The following ZNF365 variants were observed in gnomAD, a reference collection of about 807,000 sequenced individuals.
ZNF365 encodes the protein zinc finger protein 365.
Under a neutral mutation model 35.0 loss-of-function variants are expected in ZNF365, and 22 were observed. The ratio of observed to expected loss-of-function variants is 0.63; its 90% confidence interval spans 0.45 to 0.90. The LOEUF (loss-of-function observed/expected upper bound fraction) is 0.90, where lower values mean the gene tolerates loss of function less well. Among genes scored for constraint, ZNF365 ranks in the 40% least tolerant of loss-of-function variants. The pLI, the probability that ZNF365 is intolerant of heterozygous loss-of-function variation, is 0.00. For synonymous variants in ZNF365, 188 were observed against 196.2 expected, an observed-to-expected ratio of 0.96 and a Z score of 0.35; for missense variants, 448 against 500.3, an observed-to-expected ratio of 0.90 and a Z score of 1.00.
rs1839823449 is a variant in ZNF365 at position 62,401,243 on chromosome 10, T to C, written c.*1454T>C. Reference sequence around the variant, plus strand: ...TTTGTGGTGGGTGGTTTTTAAACTATATATGTTTGTTCATGTAAACTGAAT... The same window carrying C: ...TTTGTGGTGGGTGGTTTTTAAACTACATATGTTTGTTCATGTAAACTGAAT... On this transcript the variant is annotated 3_prime_UTR_variant, in exon 5 of 5. Transcript: ENST00000395254. 2 of 985,358 alleles carry C rather than the reference T, an allele frequency of 2.0e-6. No homozygotes were observed. The highest frequency in any genetic ancestry group is 2.4e-6 in the Non-Finnish European group (2 of 829,760). 61.0% of individuals were successfully genotyped at this position (985,358 alleles called of 1,614,324 possible). A position where few individuals can be genotyped will look rare whatever the true frequency, so the allele number is the denominator to read the frequency against.
chr10:62,456,315 C>A (rs897703943), intron 3 of ZNF365, among the ~76,000 whole-genome samples: 1 of 151,734 alleles, frequency 6.6e-6, no homozygotes, highest in Admixed American at 6.6e-5. Flanking sequence ...TATTTCAGTC[C>A]TTTCCCATGA....
intron 4 of ZNF365, among the ~76,000 whole-genome samples, chr10:62,476,542 T>C (rs1193486235): frequency 6.6e-6 from 1 of 152,242 alleles, no homozygotes; most frequent in Non-Finnish European, 1.5e-5. Context: ...AGGTCATATT[T>C]AAGGTTACAG....
At chr10:62,407,257 T>C (rs1157864145), downstream of ZNF365, among the ~76,000 whole-genome samples, 5 of 152,216 alleles carry the variant, frequency 3.3e-5, no homozygotes, top group Non-Finnish European at 7.4e-5. Context: ...TTCCCCATAG[T>C]GGTTTGTGGC....
Position 62,412,924 on chromosome 10 carries a change from T to C in ZNF365, c.924+24348T>C, listed in dbSNP as rs529460050. On this transcript the variant is annotated intron_variant, in intron 3 of 4. Coordinates refer to the ZNF365 transcript ENST00000395255. ...TCTGATCTGAATGCTCTTCCTTAAATGAAGGCAGTTCATAGCTGATGCTGG... is the reference window on the plus strand; with the variant it reads ...TCTGATCTGAATGCTCTTCCTTAAACGAAGGCAGTTCATAGCTGATGCTGG... 8.5e-5 allele frequency among the ~76,000 whole-genome samples: 13 copies of C among 152,250 alleles called. No individual in the cohort carries two copies. The East Asian group carries it at 1.3e-3, about 16-fold the overall frequency.
At chr10:62,395,812 T>A (rs570168576) in intron 3 of ZNF365, among the ~76,000 whole-genome samples, 1 of 152,182 alleles carries the variant, frequency 6.6e-6, no homozygotes, top group African/African-American at 2.4e-5. Flanking sequence ...AAATTCTAAA[T>A]CTGAAGGACT....
intron 2 of ZNF365, among the ~76,000 whole-genome samples, chr10:62,377,569 A>T (rs886065402): frequency 6.6e-6 from 1 of 151,318 alleles, no homozygotes; most frequent in African/African-American, 2.4e-5. Flanking sequence ...CAAATGATGT[A>T]TTTTTTTTTG....
chr10:62,444,494 G>A (rs1487127630), intron 3 of ZNF365, among the ~76,000 whole-genome samples: 1 of 152,032 alleles, frequency 6.6e-6, no homozygotes, highest in Non-Finnish European at 1.5e-5. Flanking sequence ...TGGGCCCCAG[G>A]GCTGGTAATG....
chr10:62,474,092 C>T (rs115672948), intron 4 of ZNF365, among the ~76,000 whole-genome samples: 1 of 152,186 alleles, frequency 6.6e-6, no homozygotes. Context: ...TTTGAAAGAA[C>T]AAGTAGAGTG....
At chr10:62,442,521 C>T (rs1168403013) in intron 3 of ZNF365, among the ~76,000 whole-genome samples, 1 of 152,190 alleles carries the variant, frequency 6.6e-6, no homozygotes, top group Admixed American at 6.5e-5. Flanking sequence ...ATTGCTGGTG[C>T]TGAAACGATG....
intron 4 of ZNF365, among the ~76,000 whole-genome samples, chr10:62,477,649 C>T (rs571518366): frequency 1.3e-5 from 2 of 152,184 alleles, no homozygotes; most frequent in Non-Finnish European, 1.5e-5. Context: ...ACATCAAAAG[C>T]TGATTTCTTC....
chr10:62,406,827 T>C (rs1839911697), downstream of ZNF365, among the ~76,000 whole-genome samples: 1 of 152,164 alleles, frequency 6.6e-6, no homozygotes, highest in Non-Finnish European at 1.5e-5. Context: ...GCCCCTCAGG[T>C]CTGCAGCTAT....
chr10:62,455,740 A>G lies in ZNF365; in HGVS notation c.925-4001A>G, dbSNP rs893856048. Among the ~76,000 whole-genome samples, 5 of 152,150 alleles carry G rather than the reference A, an allele frequency of 3.3e-5. No individual in the cohort carries two copies. In the East Asian group the frequency reaches 9.6e-4, roughly 29 times the overall value. ...GGGCACAAAATATAAGAACTTACAT[A>G]TATTTGGTTATTTAATTCTCACAGC... On this transcript the variant is annotated intron_variant, in intron 3 of 4. Coordinates refer to the ZNF365 transcript ENST00000395255.
intron 1 of ZNF365, among the ~76,000 whole-genome samples, chr10:62,375,096 C>T (rs1186146071): frequency 6.6e-6 from 1 of 152,188 alleles, no homozygotes; most frequent in Non-Finnish European, 1.5e-5. Context: ...CAGCTGGGCT[C>T]CCTCATTTCG....
At chr10:62,480,036 G>A in exon 5 of ZNF365, 1 of 1,427,818 alleles carries the variant, frequency 7.0e-7, no homozygotes, top group Non-Finnish European at 9.3e-7. Context: ...AGAAACTTGG[G>A]CTACTTGGTG....
At chr10:62,471,183 G>T (rs913137262) in intron 4 of ZNF365, among the ~76,000 whole-genome samples, 49 of 151,870 alleles carry the variant, frequency 3.2e-4, no homozygotes, top group Non-Finnish European at 5.6e-4. Context: ...TGGCTAACAT[G>T]GTGAAACCCT....
intron 3 of ZNF365, among the ~76,000 whole-genome samples, chr10:62,426,923 A>G (rs986339340): frequency 1.3e-5 from 2 of 152,172 alleles, no homozygotes; most frequent in Non-Finnish European, 2.9e-5. Context: ...TGGGAGGGGC[A>G]GAGTCTTCTC....
In ZNF365 at chr10:62,459,067, A is replaced by T. The variant is rs147296167; in HGVS notation, c.925-674A>T. On this transcript the variant is annotated intron_variant, in intron 3 of 4. Coordinates refer to the ZNF365 transcript ENST00000395255. Reference sequence around the variant, plus strand: ...TAGTAAATATTTATTTGTTACTGTTAGTACTATGTATACATTTACTGTATG... The same window carrying T: ...TAGTAAATATTTATTTGTTACTGTTTGTACTATGTATACATTTACTGTATG... 2.4e-3 allele frequency among the ~76,000 whole-genome samples: 369 copies of T among 152,374 alleles called. 1 individual carries two copies. The highest frequency in any genetic ancestry group is 8.4e-3 in the African/African-American group (351 of 41,592).
intron 4 of ZNF365, among the ~76,000 whole-genome samples, chr10:62,472,346 C>A (rs1449211946): frequency 2.0e-5 from 3 of 152,220 alleles, no homozygotes; most frequent in African/African-American, 7.2e-5. Context: ...TTGTGACCCA[C>A]TCCCAATTCC....
At chr10:62,425,180 GA>G in intron 3 of ZNF365, among the ~76,000 whole-genome samples, 2 of 151,992 alleles carry the variant, frequency 1.3e-5, no homozygotes, top group Admixed American at 1.3e-4. Context: ...ATTATAAGAA[GA>G]AAAAAATAAA....
Sources: gnomAD v4.1 joint callset for allele counts (sites outside exome capture counted in the v4.1 genomes callset) on GRCh38, gnomAD v4.1.1 for gene constraint, MANE v1.5 for transcripts, NCBI Gene and HGNC (gene_info 2026-07-23, HGNC 2026-07-21) for gene names.